The following ANO10 variants were observed in gnomAD, a reference collection of about 807,000 sequenced individuals.
ANO10 encodes the protein anoctamin-10.
A neutral mutation model predicts 74.7 loss-of-function variants in ANO10; 77 were observed. That is an observed-to-expected ratio of 1.03 (90% CI 0.86 to 1.25). The LOEUF (loss-of-function observed/expected upper bound fraction) is 1.25. Ranked by LOEUF, ANO10 falls within the 50% of genes most tolerant of loss-of-function variation. The pLI is 0.00. For synonymous variants in ANO10, 279 were observed against 284.9 expected, an observed-to-expected ratio of 0.98 and a Z score of 0.21; for missense variants, 721 against 778.1, an observed-to-expected ratio of 0.93 and a Z score of 0.87.
At chr3:43,375,856 ATT>A (rs1223360542) in intron 12 of ANO10, among the ~76,000 whole-genome samples, 1 of 152,192 alleles carries the variant, frequency 6.6e-6, no homozygotes, top group East Asian at 1.9e-4. Context: ...GCCATATAAT[ATT>A]TTTTGTTTGT....
At chr3:43,372,916 GC>G in intron 12 of ANO10, 2 of 1,462,944 alleles carry the variant, frequency 1.4e-6, no homozygotes, top group Non-Finnish European at 1.8e-6. Context: ...AACTTGTGAA[GC>G]CTCTTTTTTT....
chr3:43,419,187 G>A (rs1172365228), intron 12 of ANO10, among the ~76,000 whole-genome samples: 1 of 152,208 alleles, frequency 6.6e-6, no homozygotes, highest in Non-Finnish European at 1.5e-5. Context: ...ATTCAAGAGG[G>A]AGAAGGCAGA....
chr3:43,449,581 T>G (rs2074760049), intron 11 of ANO10, among the ~76,000 whole-genome samples: 2 of 145,890 alleles, frequency 1.4e-5, no homozygotes, highest in Admixed American at 7.0e-5. Context: ...GAAAGGACTA[T>G]CCTTTCTCCA....
At chr3:43,440,280 A>G (rs183677775) in intron 11 of ANO10, among the ~76,000 whole-genome samples, 5 of 152,152 alleles carry the variant, frequency 3.3e-5, no homozygotes, top group Non-Finnish European at 7.4e-5. Flanking sequence ...AAAAAAACCA[A>G]CAAGAAGAAG....
intron 11 of ANO10, among the ~76,000 whole-genome samples, chr3:43,448,874 T>TTTC (rs1491292471): frequency 1.9e-3 from 25 of 13,482 alleles, no homozygotes; most frequent in African/African-American, 2.4e-3. Flanking sequence ...TCTTTCTTTC[T>TTTC]TTTTTTTTTT....
chr3:43,545,964 C>T (rs1214195895), intron 11 of ANO10, among the ~76,000 whole-genome samples: 1 of 152,120 alleles, frequency 6.6e-6, no homozygotes, highest in Non-Finnish European at 1.5e-5. Flanking sequence ...CATTACAAGA[C>T]CAGATGGCAT....
chr3:43,553,964 T>C (rs1308938789), intron 10 of ANO10, among the ~76,000 whole-genome samples: 1 of 152,226 alleles, frequency 6.6e-6, no homozygotes, highest in Admixed American at 6.5e-5. Flanking sequence ...ATCAATGTGA[T>C]TCTCTTTTAT....
intron 11 of ANO10, among the ~76,000 whole-genome samples, chr3:43,461,559 T>C (rs904792238): frequency 4.6e-5 from 7 of 152,216 alleles, no homozygotes; most frequent in African/African-American, 1.4e-4. Context: ...TGTGGTGTTC[T>C]CATGTTAGTG....
intron 4 of ANO10, among the ~76,000 whole-genome samples, chr3:43,594,501 C>T (rs563420606): frequency 5.6e-4 from 85 of 152,324 alleles, no homozygotes; most frequent in Admixed American, 5.2e-3. Context: ...CAACCTGCTC[C>T]TGAATGACTA....
At chr3:43,644,998 T>A (rs2083711537) in intron 1 of ANO10, among the ~76,000 whole-genome samples, 1 of 152,118 alleles carries the variant, frequency 6.6e-6, no homozygotes, top group African/African-American at 2.4e-5. Context: ...CACAAATACA[T>A]ACCAATCCAT....
At chr3:43,592,679 A>C (rs1443464343) in intron 4 of ANO10, among the ~76,000 whole-genome samples, 1 of 152,222 alleles carries the variant, frequency 6.6e-6, no homozygotes, top group East Asian at 1.9e-4. Flanking sequence ...AATTCTAAAA[A>C]TCAGAGCACC....
chr3:43,533,070 T>C (rs888197239), intron 11 of ANO10, among the ~76,000 whole-genome samples: 5 of 152,112 alleles, frequency 3.3e-5, no homozygotes, highest in Non-Finnish European at 7.4e-5. Context: ...TTCATCAAAA[T>C]AGTCGGTAAA....
intron 11 of ANO10, among the ~76,000 whole-genome samples, chr3:43,470,228 T>C (rs1352662536): frequency 2.0e-5 from 3 of 152,232 alleles, no homozygotes; most frequent in Non-Finnish European, 4.4e-5. Context: ...AAGGAGCAGG[T>C]CTGAAAAGGC....
intron 11 of ANO10, among the ~76,000 whole-genome samples, chr3:43,547,471 A>G (rs962869062): frequency 1.4e-4 from 21 of 152,176 alleles, no homozygotes; most frequent in Non-Finnish European, 2.9e-4. Context: ...ACCTGCAGGG[A>G]GCCTTCTTTG....
chr3:43,690,953 C>G (rs760056786), intron 1 of ANO10: 3 of 1,549,218 alleles, frequency 1.9e-6, no homozygotes, highest in Non-Finnish European at 2.6e-6. Context: ...GCCTGTCAGC[C>G]GGCTTCGAGA....
intron 12 of ANO10, among the ~76,000 whole-genome samples, chr3:43,388,365 TGCACACACCCCA>T (rs770770328): frequency 1.4e-4 from 22 of 152,128 alleles, no homozygotes; most frequent in Admixed American, 2.6e-4. Context: ...GCCAGCATTA[TGCACACACCCCA>T]GCTGGCTATG....
At chr3:43,592,105 C>T (rs960898001) in intron 4 of ANO10, among the ~76,000 whole-genome samples, 1 of 152,236 alleles carries the variant, frequency 6.6e-6, no homozygotes, top group Non-Finnish European at 1.5e-5. Flanking sequence ...CCTGGAAGCT[C>T]GAACTGGGTG....
intron 7 of ANO10, among the ~76,000 whole-genome samples, 161 bp downstream of exon 7, chr3:43,574,648 T>C (rs2080909892): frequency 6.6e-6 from 1 of 152,212 alleles, no homozygotes; most frequent in Non-Finnish European, 1.5e-5. Context: ...ATAAGGCTAC[T>C]GAACACAGAG....
At chr3:43,660,757 C>A (rs2083916459) in intron 1 of ANO10, among the ~76,000 whole-genome samples, 1 of 152,106 alleles carries the variant, frequency 6.6e-6, no homozygotes, top group South Asian at 2.1e-4. Flanking sequence ...GAGTTTGAGA[C>A]CTGCCTGACC....
Sources: allele counts gnomAD v4.1 joint callset (sites outside exome capture counted in the v4.1 genomes callset), GRCh38; gene constraint gnomAD v4.1.1; transcripts MANE v1.5; gene names NCBI Gene and HGNC (gene_info 2026-07-23, HGNC 2026-07-21).